Variants in TBC1D1 observed in about 807,000 individuals in gnomAD.
TBC1D1 encodes the protein TBC1 (tre-2/USP6, BUB2, cdc16) domain family, member 1.
TBC1D1 carries 89 observed loss-of-function variants against 125.6 expected under a neutral mutation model. The ratio of observed to expected loss-of-function variants is 0.71; its 90% confidence interval spans 0.60 to 0.85. The LOEUF (loss-of-function observed/expected upper bound fraction) is 0.85, where lower values mean the gene tolerates loss of function less well. Ranked by LOEUF, TBC1D1 falls within the 40% of genes least tolerant of loss-of-function variation. TBC1D1 has a pLI of 0.00. For synonymous variants in TBC1D1, 565 were observed against 564.1 expected (o/e 1.00, Z -0.02); for missense variants, 1,377 against 1,469.2 (o/e 0.94, Z 1.03).
chr4:38,095,187 AG>A (rs1405216287), intron 13 of TBC1D1, among the ~76,000 whole-genome samples: 2 of 152,250 alleles, frequency 1.3e-5, no homozygotes, highest in Non-Finnish European at 2.9e-5. Context: ...GCTTCCCTCT[AG>A]CTAGTAAATA....
At chr4:38,064,833 C>T (rs930604323) in intron 12 of TBC1D1, among the ~76,000 whole-genome samples, 8 of 151,928 alleles carry the variant, frequency 5.3e-5, no homozygotes, top group Non-Finnish European at 1.0e-4. Flanking sequence ...CCACGTTGAC[C>T]AGGATGGTCT....
intron 12 of TBC1D1, among the ~76,000 whole-genome samples, chr4:38,059,240 C>A (rs1752317355): frequency 6.6e-6 from 1 of 151,960 alleles, no homozygotes; most frequent in African/African-American, 2.4e-5. Flanking sequence ...CAACAGTGAC[C>A]AGTTGGTCTC....
chr4:38,006,982 A>T (rs1172614866), intron 2 of TBC1D1: 1 of 429,970 alleles, frequency 2.3e-6, no homozygotes, highest in South Asian at 1.9e-5. Flanking sequence ...TTCTTGGCCA[A>T]GGGTGGTTCA....
chr4:38,118,232 C>T (rs780994412), intron 17 of TBC1D1, 40 bp downstream of exon 19: 45 of 1,606,870 alleles, frequency 2.8e-5, no homozygotes, highest in Non-Finnish European at 3.8e-5. Context: ...CCAGCCTTCT[C>T]TTATTAGAGG....
At chr4:38,118,945 C>T (rs945116255) in intron 17 of TBC1D1, among the ~76,000 whole-genome samples, 12 of 152,134 alleles carry the variant, frequency 7.9e-5, no homozygotes, top group African/African-American at 2.4e-4. Context: ...TGTCCACGTG[C>T]GCATCAGGAA....
intron 16 of TBC1D1, among the ~76,000 whole-genome samples, chr4:38,116,692 A>T (rs1360251842): frequency 2.6e-5 from 4 of 152,236 alleles, no homozygotes; most frequent in Admixed American, 1.3e-4. Flanking sequence ...CAAACACAGT[A>T]GCGTATTGCA....
At chr4:38,119,954 G>C in intron 17 of TBC1D1, 1 of 985,406 alleles carries the variant, frequency 1.0e-6, no homozygotes, top group South Asian at 4.7e-5. Context: ...GGCTCTGGAA[G>C]AGAAATTTTT....
chr4:38,018,499 TATA>T (rs1303968005), intron 4 of TBC1D1, 56 bp downstream of exon 4: 14 of 1,096,772 alleles, frequency 1.3e-5, no homozygotes, highest in Admixed American at 8.2e-5. Flanking sequence ...AATGAATTTC[TATA>T]ATATCTATCA....
At chr4:37,969,271 C>G (rs1489114713) in intron 2 of TBC1D1, among the ~76,000 whole-genome samples, 1 of 152,234 alleles carries the variant, frequency 6.6e-6, no homozygotes, top group Non-Finnish European at 1.5e-5. Flanking sequence ...ACTACTAATA[C>G]TATTACTACC....
intron 12 of TBC1D1, among the ~76,000 whole-genome samples, chr4:38,056,634 C>A (rs916670348): frequency 6.6e-6 from 1 of 152,136 alleles, no homozygotes; most frequent in African/African-American, 2.4e-5. Context: ...CATAGTGAGA[C>A]CCTGTCTCTA....
chr4:37,903,775 G>A (rs1009860468), intron 2 of TBC1D1, among the ~76,000 whole-genome samples: 6 of 152,126 alleles, frequency 3.9e-5, no homozygotes, highest in Admixed American at 3.9e-4. Context: ...CTTGTAGGAA[G>A]GCAGGAGCAT....
intron 2 of TBC1D1, among the ~76,000 whole-genome samples, chr4:38,003,137 T>C (rs1287773329): frequency 6.6e-6 from 1 of 152,196 alleles, no homozygotes; most frequent in Non-Finnish European, 1.5e-5. Context: ...TTCGATTTGG[T>C]AGAATGGAGT....
intron 2 of TBC1D1, among the ~76,000 whole-genome samples, chr4:37,913,369 T>A (rs982861053): frequency 6.6e-6 from 1 of 151,952 alleles, no homozygotes; most frequent in African/African-American, 2.4e-5. Flanking sequence ...GAGGCTTAGG[T>A]GAGTGGATCA....
chr4:37,947,998 A>G (rs993592808), intron 2 of TBC1D1, among the ~76,000 whole-genome samples: 1 of 152,224 alleles, frequency 6.6e-6, no homozygotes, highest in African/African-American at 2.4e-5. Context: ...GGTAGGTACT[A>G]CGATTATTCC....
At chr4:37,901,659 T>A (rs1177149874) in intron 1 of TBC1D1, among the ~76,000 whole-genome samples, 111 of 152,180 alleles carry the variant, frequency 7.3e-4, no homozygotes, top group South Asian at 1.5e-3. Context: ...TTAAGTGATA[T>A]TACTTGTCCC....
chr4:38,102,939 TTTA>T (rs1760638445), intron 14 of TBC1D1, 57 bp from the exon 17 acceptor site: 3 of 1,494,772 alleles, frequency 2.0e-6, no homozygotes, highest in Admixed American at 4.5e-5. Flanking sequence ...ACAATTCATT[TTTA>T]TTATTAAGTT....
chr4:37,990,903 G>C (rs1323917195), intron 2 of TBC1D1, among the ~76,000 whole-genome samples: 1 of 152,166 alleles, frequency 6.6e-6, no homozygotes, highest in Admixed American at 6.5e-5. Context: ...ACACTATTTG[G>C]GGGAGTAGTG....
intron 15 of TBC1D1, among the ~76,000 whole-genome samples, chr4:38,114,528 C>A (rs1452589111): frequency 6.6e-6 from 1 of 152,198 alleles, no homozygotes; most frequent in East Asian, 1.9e-4. Flanking sequence ...CTGATCCAAG[C>A]AGGTTCATAA....
chr4:37,958,655 C>T (rs115417170), intron 2 of TBC1D1, among the ~76,000 whole-genome samples: 4 of 152,256 alleles, frequency 2.6e-5, no homozygotes, highest in African/African-American at 9.6e-5. Flanking sequence ...ACATATATGA[C>T]ATCTTTTACT....
Sources: allele counts gnomAD v4.1 joint callset (sites outside exome capture counted in the v4.1 genomes callset), GRCh38; gene constraint gnomAD v4.1.1; transcripts MANE v1.5; gene names NCBI Gene and HGNC (gene_info 2026-07-23, HGNC 2026-07-21).